The following ZMYND11 variants were observed in gnomAD, a reference collection of about 807,000 sequenced individuals.
ZMYND11 encodes the protein zinc finger MYND-type containing 11.
In ZMYND11, 9 loss-of-function variants were observed where a neutral mutation model predicts 84.9. The observed-to-expected ratio is 0.11, with a 90% CI of 0.06 to 0.18. The LOEUF (loss-of-function observed/expected upper bound fraction) is 0.18, where lower values mean the gene tolerates loss of function less well. Ranked by LOEUF, ZMYND11 falls within the 10% of genes least tolerant of loss-of-function variation. ZMYND11 has a pLI of 1.00. For synonymous variants in ZMYND11, 250 were observed against 244.1 expected (o/e 1.02, Z -0.23); for missense variants, 409 against 761.0 (o/e 0.54, Z 5.44).
At chr10:224,604 G>C (rs1289355471) in intron 4 of ZMYND11, among the ~76,000 whole-genome samples, 1 of 152,182 alleles carries the variant, frequency 6.6e-6, no homozygotes, top group Non-Finnish European at 1.5e-5. Flanking sequence ...GTATTCCATA[G>C]TAGGTAATAT....
At chr10:205,844 A>G (rs1944036424) in intron 2 of ZMYND11, among the ~76,000 whole-genome samples, 1 of 146,686 alleles carries the variant, frequency 6.8e-6, no homozygotes, top group Middle Eastern at 3.5e-3. Flanking sequence ...TGGTTTTGTT[A>G]TTAATATCTG....
At position 159,719 on chromosome 10, in the gene ZMYND11, C is replaced by T. The variant is rs138770893; in HGVS notation, c.-19-20275C>T. Among the ~76,000 whole-genome samples the T allele has an allele frequency of 1.6e-3, 246 of 151,856 alleles. 3 individuals carry two copies. Among genetic ancestry groups the T allele is most frequent in the African/African-American group, 5.5e-3 (227 of 41,406 alleles). ...TCACTTATATTTTTACTTTGTTTAC[C>T]GTGTATTTGGGATGTGCAAAGAGTT... On this transcript the variant is annotated intron_variant, in intron 1 of 14. Transcript: ENST00000381604.
At chr10:148,151 G>A (rs1554755904) in intron 1 of ZMYND11, 2 of 152,370 alleles carry the variant, frequency 1.3e-5, no homozygotes, top group Admixed American at 1.3e-4. Context: ...ATATTTCCAT[G>A]TACAGGTGGT....
intron 1 of ZMYND11, among the ~76,000 whole-genome samples, chr10:152,665 T>C (rs782136201): frequency 2.0e-5 from 3 of 151,876 alleles, no homozygotes; most frequent in Non-Finnish European, 2.9e-5. Context: ...AAACAGAAAG[T>C]CAACAAGGAT....
At chr10:166,301 C>T (rs184041357) in intron 1 of ZMYND11, among the ~76,000 whole-genome samples, 11 of 152,072 alleles carry the variant, frequency 7.2e-5, no homozygotes, top group Admixed American at 4.6e-4. Context: ...ATTAAGAAAG[C>T]GTAAAGACGG....
At chr10:178,939 G>T (rs986320317) in intron 1 of ZMYND11, among the ~76,000 whole-genome samples, 1 of 152,162 alleles carries the variant, frequency 6.6e-6, no homozygotes, top group South Asian at 2.1e-4. Context: ...TCCTGTGGCT[G>T]TCTTGGCCAG....
rs775870434 is a variant in ZMYND11, at chr10:252,302, A to G, written c.1687-46A>G. 3.7e-6 allele frequency: 6 copies of G among 1,606,986 alleles called. No homozygotes were observed. The Admixed American group carries it at 1.0e-4, about 27-fold the overall frequency. ...TTTGCCATTTTAACCAGTCGCTTAC[A>G]CATCCACACCCAAGTCTAAAGACTG... is the stretch of plus-strand genomic sequence containing the variant. On this transcript the variant is annotated intron_variant, in intron 14 of 14. Transcript: ENST00000381604. This position sits in a 1 kb window ranked among gnomAD's most constrained non-coding sequence, Gnocchi z 4.6.
intron 5 of ZMYND11, among the ~76,000 whole-genome samples, 172 bp downstream of exon 5, chr10:237,087 G>A (rs1950118050): frequency 6.6e-6 from 1 of 152,056 alleles, no homozygotes; most frequent in Non-Finnish European, 1.5e-5. Context: ...TCTATAACAG[G>A]CAGTTAGATT....
chr10:207,830 C>G (rs1944460597), intron 2 of ZMYND11, among the ~76,000 whole-genome samples: 2 of 152,202 alleles, frequency 1.3e-5, no homozygotes, highest in Admixed American at 1.3e-4. Flanking sequence ...AAAGAGCCCA[C>G]ATCGCCAAGT....
At chr10:175,819 A>G (rs1030089498) in intron 1 of ZMYND11, among the ~76,000 whole-genome samples, 5 of 152,226 alleles carry the variant, frequency 3.3e-5, no homozygotes, top group Non-Finnish European at 5.9e-5. Context: ...AAGTGCTAAT[A>G]CACTTTGGGG....
chr10:246,695 T>C (rs1589274205), intron 10 of ZMYND11, 71 bp from the exon 11 acceptor site: 8 of 1,461,016 alleles, frequency 5.5e-6, no homozygotes, highest in Middle Eastern at 1.7e-4. Context: ...CAGGGTCCAC[T>C]GAAGCCCTCT....
intron 1 of ZMYND11, among the ~76,000 whole-genome samples, chr10:171,038 A>G (rs1845192624): frequency 6.6e-6 from 1 of 152,178 alleles, no homozygotes; most frequent in Admixed American, 6.5e-5. Flanking sequence ...AGTTTCAGAC[A>G]AAGGACTTCA....
upstream of ZMYND11, among the ~76,000 whole-genome samples, chr10:130,766 C>T (rs1302063323): frequency 1.3e-5 from 2 of 152,176 alleles, no homozygotes; most frequent in Non-Finnish European, 2.9e-5. Context: ...GAATGTCTCA[C>T]AGTGAGTTGG....
At chr10:237,229 A>G (rs926791026) in intron 5 of ZMYND11, among the ~76,000 whole-genome samples, 1 of 152,220 alleles carries the variant, frequency 6.6e-6, no homozygotes, top group Non-Finnish European at 1.5e-5. Context: ...ATGAAAGGCA[A>G]TTTTTCAAAA....
chr10:145,147 T>C (rs1425353105), intron 1 of ZMYND11, among the ~76,000 whole-genome samples: 1 of 150,452 alleles, frequency 6.6e-6, no homozygotes, highest in Non-Finnish European at 1.5e-5. Context: ...TATATATGTG[T>C]ATATATATAT....
intron 1 of ZMYND11, among the ~76,000 whole-genome samples, chr10:141,186 C>A (rs1331013632): frequency 1.3e-5 from 2 of 152,154 alleles, no homozygotes; most frequent in African/African-American, 4.8e-5. Flanking sequence ...TAATTTGTTT[C>A]ATAAGATCAC....
chr10:137,191 C>T (rs781982086), intron 1 of ZMYND11, among the ~76,000 whole-genome samples: 1 of 151,990 alleles, frequency 6.6e-6, no homozygotes, highest in Non-Finnish European at 1.5e-5. Flanking sequence ...GTACTGTGTA[C>T]ACAGTACCCA....
intron 10 of ZMYND11, among the ~76,000 whole-genome samples, chr10:245,276 A>G (rs1301709225): frequency 6.6e-6 from 1 of 152,232 alleles, no homozygotes. Flanking sequence ...AGCTGTTGTT[A>G]GCATCTAATG....
At chr10:167,411 CTG>C (rs550975053) in intron 1 of ZMYND11, among the ~76,000 whole-genome samples, 176 of 152,182 alleles carry the variant, frequency 1.2e-3, no homozygotes, top group Middle Eastern at 3.4e-3. Flanking sequence ...GTTTTATAAA[CTG>C]TTTTGTCAAA....
Sources: gnomAD v4.1 joint callset for allele counts (sites outside exome capture counted in the v4.1 genomes callset) on GRCh38, gnomAD v4.1.1 for gene constraint, Gnocchi (gnomAD v3.1) non-coding constraint, MANE v1.5 for transcripts, NCBI Gene and HGNC (gene_info 2026-07-23, HGNC 2026-07-21) for gene names.